ADARB2: variants seen among roughly 807,000 people sequenced by gnomAD.
ADARB2 encodes the protein inactive double-stranded RNA-specific editase B2.
In ADARB2, 25 loss-of-function variants were observed where a neutral mutation model predicts 62.2. The ratio of observed to expected loss-of-function variants is 0.40; its 90% CI spans 0.29 to 0.56. The LOEUF (loss-of-function observed/expected upper bound fraction) is 0.56. Among genes scored for constraint, ADARB2 ranks in the 20% least tolerant of loss-of-function variants. The probability of loss-of-function intolerance (pLI) is 0.43; values close to 1 mark genes in which losing one functional copy is unlikely to be tolerated. For missense variants in ADARB2, 1,071 were observed against 1,077.4 expected, an observed-to-expected ratio of 0.99 and a Z score of 0.08; for synonymous variants, 572 against 500.8, an observed-to-expected ratio of 1.14 and a Z score of -1.90.
intron 1 of ADARB2, among the ~76,000 whole-genome samples, chr10:1,387,681 G>T (rs2387665): frequency 0.26 from 39,378 of 151,784 alleles, 5,206 homozygotes; most frequent in South Asian, 0.29. Flanking sequence ...ATTTAAAGAA[G>T]AAATTATACC....
At chr10:1,407,278 C>A (rs1832715062) in intron 1 of ADARB2, among the ~76,000 whole-genome samples, 1 of 152,174 alleles carries the variant, frequency 6.6e-6, no homozygotes, top group African/African-American at 2.4e-5. Context: ...GACCTGCAGT[C>A]ACCTGCAGCT....
intron 3 of ADARB2, among the ~76,000 whole-genome samples, chr10:1,316,562 CG>C (rs1414224952): frequency 6.6e-6 from 1 of 152,120 alleles, no homozygotes; most frequent in East Asian, 1.9e-4. Context: ...TCCTCCTACC[CG>C]GAATAGGATT....
chr10:1,457,378 G>A (rs1443047761), intron 1 of ADARB2, among the ~76,000 whole-genome samples: 1 of 152,110 alleles, frequency 6.6e-6, no homozygotes, highest in Non-Finnish European at 1.5e-5. Flanking sequence ...ACTTTAAGGT[G>A]CCTTCTCATC....
At chr10:1,730,505 C>A (rs1022777383) in intron 1 of ADARB2, among the ~76,000 whole-genome samples, 3 of 152,150 alleles carry the variant, frequency 2.0e-5, no homozygotes, top group Admixed American at 6.5e-5. Flanking sequence ...TTGGAAGCAG[C>A]TCAACGAAGC....
At chr10:1,327,846 G>A (rs867677631) in intron 3 of ADARB2, among the ~76,000 whole-genome samples, 7 of 49,394 alleles carry the variant, frequency 1.4e-4, no homozygotes, top group Non-Finnish European at 3.1e-4. Context: ...ACAGCTCAGT[G>A]CCTCCTCACA....
At chr10:1,570,222 CTA>C (rs1398262333) in intron 1 of ADARB2, among the ~76,000 whole-genome samples, 1 of 152,216 alleles carries the variant, frequency 6.6e-6, no homozygotes, top group Non-Finnish European at 1.5e-5. Context: ...GAGTGTGCCA[CTA>C]TTTAAAAATG....
intron 3 of ADARB2, among the ~76,000 whole-genome samples, chr10:1,348,307 G>C (rs1028477344): frequency 1.3e-5 from 2 of 152,208 alleles, no homozygotes; most frequent in East Asian, 3.9e-4. Flanking sequence ...TTCAGGAAGG[G>C]GTCTGGGGAG....
intron 1 of ADARB2, among the ~76,000 whole-genome samples, chr10:1,525,567 C>T (rs1278581934): frequency 2.6e-5 from 4 of 152,108 alleles, no homozygotes; most frequent in Non-Finnish European, 4.4e-5. Context: ...TGGTGGTCCA[C>T]GTTTTCCTGT....
At position 1,736,996 on chromosome 10, in the gene ADARB2, G is replaced by A. The variant is rs749088360; in HGVS notation, c.100+55C>T. The A allele has an allele frequency of 3.2e-6, 5 of 1,574,870 alleles. No homozygotes were observed. The African/African-American group carries it at 5.4e-5, about 17-fold the overall frequency. ...CCCGGAGACCCCATGAGAGGCCGGG[G>A]TGGAGAAGCCGGGGGTGAAGGGGGG... is the stretch of plus-strand genomic sequence containing the variant. On this transcript the variant is annotated intron_variant, in intron 1 of 9. Coordinates refer to ENST00000381312, the MANE Select transcript of ADARB2 (RefSeq NM_018702.4).
chr10:1,510,110 C>CTCTTTCTTTCTTTCT (rs1831909089), intron 1 of ADARB2, among the ~76,000 whole-genome samples: 10 of 106,252 alleles, frequency 9.4e-5, no homozygotes, highest in African/African-American at 3.6e-4. Flanking sequence ...CTTTCTTTCT[C>CTCTTTCTTTCTTTCT]TCTTTCTTTC....
chr10:1,725,379 T>C (rs1419063706), intron 1 of ADARB2, among the ~76,000 whole-genome samples: 1 of 152,224 alleles, frequency 6.6e-6, no homozygotes, highest in African/African-American at 2.4e-5. Flanking sequence ...GAGCCCAGAC[T>C]AGAATGTCAT....
intron 1 of ADARB2, among the ~76,000 whole-genome samples, chr10:1,404,530 C>A (rs1832690627): frequency 1.3e-5 from 2 of 152,230 alleles, no homozygotes; most frequent in Non-Finnish European, 2.9e-5. Context: ...AAAAGTGTGT[C>A]ATTGTGTCAC....
intron 1 of ADARB2, among the ~76,000 whole-genome samples, chr10:1,582,705 T>C (rs10903497): frequency 0.18 from 27,638 of 152,056 alleles, 3,027 homozygotes; most frequent in East Asian, 0.39. Flanking sequence ...CTAGTGCAAA[T>C]GCTACTCTTC....
chr10:1,513,172 G>A (rs889900010), intron 1 of ADARB2, among the ~76,000 whole-genome samples: 3 of 152,128 alleles, frequency 2.0e-5, no homozygotes, highest in African/African-American at 4.8e-5. Context: ...TCAAAACATC[G>A]TGTTGTACAC....
intron 3 of ADARB2, among the ~76,000 whole-genome samples, chr10:1,360,396 A>G (rs764268165): frequency 2.0e-5 from 3 of 152,330 alleles, no homozygotes; most frequent in Admixed American, 1.3e-4. Context: ...CTCCAGAGCC[A>G]CCATGCAGTG....
intron 4 of ADARB2, among the ~76,000 whole-genome samples, chr10:1,251,568 G>T (rs1488384258): frequency 6.6e-6 from 1 of 152,146 alleles, no homozygotes; most frequent in Non-Finnish European, 1.5e-5. Context: ...CTAACACAAA[G>T]AATGGTTTTT....
intron 1 of ADARB2, among the ~76,000 whole-genome samples, chr10:1,533,850 G>A (rs1832282988): frequency 6.6e-6 from 1 of 152,124 alleles, no homozygotes; most frequent in Non-Finnish European, 1.5e-5. Flanking sequence ...GGACCCTCAT[G>A]GCCCCAAGGG....
chr10:1,186,770 T>C (rs997678168), intron 8 of ADARB2, among the ~76,000 whole-genome samples: 2 of 152,318 alleles, frequency 1.3e-5, no homozygotes, highest in Admixed American at 6.5e-5. Context: ...CCACTGGCTA[T>C]TGGTGGAGAG....
chr10:1,435,085 G>A (rs7910730), intron 1 of ADARB2, among the ~76,000 whole-genome samples: 1 of 152,346 alleles, frequency 6.6e-6, no homozygotes, highest in Non-Finnish European at 1.5e-5. Flanking sequence ...GGGTCCCCTG[G>A]GAGGCCGTGG....
Sources: allele counts gnomAD v4.1 joint callset (sites outside exome capture counted in the v4.1 genomes callset), GRCh38; gene constraint gnomAD v4.1.1; transcripts MANE v1.5; gene names NCBI Gene and HGNC (gene_info 2026-07-23, HGNC 2026-07-21).